Variants in ZNF705G observed in about 807,000 individuals in gnomAD.
The protein encoded by ZNF705G is putative zinc finger protein 705G.
A neutral mutation model predicts 19.6 loss-of-function variants in ZNF705G; 23 were observed. That is an observed-to-expected ratio of 1.17 (90% CI 0.84 to 1.66). ZNF705G has a LOEUF of 1.66. ZNF705G is among the 40% of genes most tolerant of loss of function. The pLI is 0.00. For missense variants in ZNF705G, 457 were observed against 354.4 expected, an observed-to-expected ratio of 1.29 and a Z score of -2.32; for synonymous variants, 146 against 117.7, an observed-to-expected ratio of 1.24 and a Z score of -1.56.
At chr8:7,380,237 C>G (rs1335054992) in intron 2 of ZNF705G, among the ~76,000 whole-genome samples, 18 of 144,504 alleles carry the variant, frequency 1.2e-4, no homozygotes, top group Admixed American at 1.1e-3. Context: ...CCTGGGGACT[C>G]ACCTGCCTGA....
chr8:7,382,489 G>A (rs1585432129), intron 1 of ZNF705G, among the ~76,000 whole-genome samples: 1 of 146,440 alleles, frequency 6.8e-6, no homozygotes, highest in Middle Eastern at 3.4e-3. Context: ...TTCATTTCAT[G>A]TCTCTGCATC....
chr8:7,382,138 C>A (rs1417776184), intron 1 of ZNF705G, among the ~76,000 whole-genome samples: 2 of 151,126 alleles, frequency 1.3e-5, no homozygotes, highest in East Asian at 1.9e-4. Context: ...TGCTTCTTCT[C>A]AAGAGCAAAT....
Position 7,359,650 on chromosome 8 carries a change from G to C in ZNF705G, c.287C>G (p.Thr96Ser), listed in dbSNP as rs56023905. ...CATACTGGTGGATGCGTCTTTTCTG[G>C]TGATAGGATGCATGGATATCATGTG... is the stretch of plus-strand genomic sequence containing the variant. ...KTHMISMHPI[T>S]RKDASTSMTM... Residue 96 changes from threonine (T) to serine (S), a missense_variant, in exon 6 of 7, where the codon ACC (threonine) becomes AGC (serine). Coordinates refer to ENST00000400156, the MANE Select transcript of ZNF705G (RefSeq NM_001164457.3). 3.1e-6 allele frequency: 5 copies of C among 1,596,304 alleles called. No individual in the cohort carries two copies. The African/African-American group carries it at 5.7e-5, about 18-fold the overall frequency.
rs1184011169 is a variant in ZNF705G at position 7,357,776 on chromosome 8, C to G, written c.*200G>C. The G allele has an allele frequency of 4.6e-6, 4 of 878,792 alleles. No individual in the cohort carries two copies. The Admixed American group carries it at 1.2e-4, about 26-fold the overall frequency. The allele number at this position is 878,792 out of a possible 1,614,324, so 54.4% of individuals were successfully genotyped here. On this transcript the variant is annotated 3_prime_UTR_variant, in exon 7 of 7. Coordinates refer to ENST00000400156, the MANE Select transcript of ZNF705G (RefSeq NM_001164457.3). ...TTGGCATGTTTAGATGCTACAACTA[C>G]AGCTGAAGTCTCTTCCACATTCCTT... is the stretch of plus-strand genomic sequence containing the variant.
Position 7,360,323 on chromosome 8 carries a change from A to C in ZNF705G, c.149T>G (p.Ile50Arg). The stretch of plus-strand genomic sequence containing the variant: ...CTGCAAAATTATATAGGATTTGCTT[A>C]TCTGGTACCCTGTTAGTGGAAAGAA... ...ISHLVSLGYQISKSYIILQLE... is the reference protein window; with the variant it reads ...ISHLVSLGYQRSKSYIILQLE... The change falls in exon 5 of 7, where the codon ATA becomes AGA. Residue 50 changes from isoleucine (I) to arginine (R), a missense_variant. Transcript: ENST00000400156. 1 of 1,588,946 alleles carries C rather than the reference A, an allele frequency of 6.3e-7. No homozygotes were observed. The highest frequency in any genetic ancestry group is 1.1e-5 in the South Asian group (1 of 90,628).
intron 2 of ZNF705G, among the ~76,000 whole-genome samples, chr8:7,364,981 G>A (rs1390264061): frequency 3.3e-5 from 5 of 149,570 alleles, no homozygotes; most frequent in Non-Finnish European, 1.5e-5. Flanking sequence ...ATCAAAATAA[G>A]ATTTGGGCTT....
chr8:7,368,257 A>G (rs1336694488), intron 2 of ZNF705G, among the ~76,000 whole-genome samples: 2 of 149,720 alleles, frequency 1.3e-5, no homozygotes, highest in East Asian at 3.9e-4. Context: ...AAAGTTGGAA[A>G]CCAAAGAGTT....
At chr8:7,382,112 C>T (rs1354758120) in intron 1 of ZNF705G, among the ~76,000 whole-genome samples, 1 of 151,718 alleles carries the variant, frequency 6.6e-6, no homozygotes, top group Non-Finnish European at 1.5e-5. Flanking sequence ...TAAAATAAAG[C>T]ATCCTTTAGT....
intron 2 of ZNF705G, among the ~76,000 whole-genome samples, chr8:7,366,270 G>A (rs1353350844): frequency 1.3e-5 from 2 of 149,084 alleles, no homozygotes; most frequent in South Asian, 4.2e-4. Flanking sequence ...TATATTCAAA[G>A]CAGTTCAGGA....
At chr8:7,359,571 A>T in intron 6 of ZNF705G, 48 bp downstream of exon 6, 1 of 1,602,162 alleles carries the variant, frequency 6.2e-7, no homozygotes, top group South Asian at 1.1e-5. Context: ...TTAATCCATT[A>T]ACATGTCTTT....
rs1807199309 is a variant in ZNF705G, at chr8:7,374,905, A to G, written c.-72+6547T>C. Among the ~76,000 whole-genome samples the G allele has an allele frequency of 2.1e-5, 2 of 94,240 alleles. 1 individual carries two copies. The highest frequency in any genetic ancestry group is 9.9e-5 in the African/African-American group (2 of 20,238). The allele number at this position is 94,240 out of a possible 152,430, so 61.8% of individuals were successfully genotyped here. On this transcript the variant is annotated intron_variant, in intron 2 of 6. Transcript: ENST00000400156. ...ATAGTGTCCACAATATGCAATACAC[A>G]AGGTTTACAAGAAAGAACAAATGAA...
rs1356643777 is a variant in ZNF705G, at chr8:7,358,180, A to G, written c.699T>C (p.Tyr233=). The change falls in exon 7 of 7, where the codon TAT becomes TAC. Residue 233 remains tyrosine (Y), a synonymous_variant. Transcript: ENST00000400156. ...TAAAGGATTGAATAAAGACTTTCCCATATTGATGACACTTATATGGTCTCT... is the reference window on the plus strand; with the variant it reads ...TAAAGGATTGAATAAAGACTTTCCCGTATTGATGACACTTATATGGTCTCT... ...TGQRPYKCHQ[Y]GKVFIQSFNL... The G allele has an allele frequency of 3.1e-6, 5 of 1,607,582 alleles. No homozygotes were observed. In the South Asian group the frequency reaches 5.5e-5, roughly 18 times the overall value.
intron 1 of ZNF705G, among the ~76,000 whole-genome samples, chr8:7,382,505 A>T (rs974869114): frequency 6.8e-6 from 1 of 146,460 alleles, no homozygotes; most frequent in Admixed American, 6.6e-5. Context: ...GCATCTATCA[A>T]CTTTCCTTTT....
chr8:7,374,321 A>G (rs1807184830), intron 2 of ZNF705G, among the ~76,000 whole-genome samples: 1 of 24,754 alleles, frequency 4.0e-5, no homozygotes, highest in Non-Finnish European at 6.5e-5. Flanking sequence ...TTTTTTAATC[A>G]GTTAAAAATA....
intron 2 of ZNF705G, among the ~76,000 whole-genome samples, chr8:7,367,257 C>T (rs11994800): frequency 0.37 from 54,439 of 146,306 alleles, 5,298 homozygotes; most frequent in African/African-American, 0.5. Flanking sequence ...GGCTCTTCCC[C>T]TACCCACTAG....
intron 6 of ZNF705G, among the ~76,000 whole-genome samples, chr8:7,359,335 C>T (rs1302272890): frequency 1.3e-5 from 2 of 149,776 alleles, no homozygotes; most frequent in Non-Finnish European, 2.9e-5. Context: ...TCTTCTGTAA[C>T]ATCTCAACTG....
chr8:7,374,238 T>A (rs1563299585), intron 2 of ZNF705G, among the ~76,000 whole-genome samples: 1 of 84,686 alleles, frequency 1.2e-5, no homozygotes, highest in Non-Finnish European at 2.2e-5. Flanking sequence ...ATTATTATCC[T>A]TGTGGCATTA....
At chr8:7,371,426 A>G (rs1031082891) in intron 2 of ZNF705G, among the ~76,000 whole-genome samples, 1 of 138,936 alleles carries the variant, frequency 7.2e-6, no homozygotes, top group African/African-American at 2.8e-5. Flanking sequence ...ACTGTATTAC[A>G]TACTTAAAAT....
intron 1 of ZNF705G, among the ~76,000 whole-genome samples, chr8:7,383,865 C>T (rs1449813088): frequency 6.9e-6 from 1 of 145,266 alleles, no homozygotes; most frequent in African/African-American, 2.8e-5. Flanking sequence ...CTTTATAAGC[C>T]ACCCTGTTTA....
Sources: allele counts gnomAD v4.1 joint callset (sites outside exome capture counted in the v4.1 genomes callset), GRCh38; gene constraint gnomAD v4.1.1; transcripts MANE v1.5; gene names NCBI Gene and HGNC (gene_info 2026-07-23, HGNC 2026-07-21).